Variants in THSD1 observed in about 807,000 individuals in gnomAD.
The protein encoded by THSD1 is thrombospondin type-1 domain-containing protein 1.
THSD1 carries 34 observed loss-of-function variants against 46.3 expected under a neutral mutation model. That is an observed-to-expected ratio of 0.74 (90% CI 0.56 to 0.98). The LOEUF is 0.98. Among genes scored for constraint, THSD1 ranks in the 50% least tolerant of loss-of-function variants. THSD1 has a pLI of 0.00. For synonymous variants in THSD1, 407 were observed against 416.5 expected (o/e 0.98, Z 0.28); for missense variants, 1,023 against 1,058.3 (o/e 0.97, Z 0.46).
chr13:52,396,504 C>T (rs572956363), intron 3 of THSD1, among the ~76,000 whole-genome samples: 3 of 152,070 alleles, frequency 2.0e-5, no homozygotes, highest in Admixed American at 6.6e-5. Context: ...CCAGTCTGGG[C>T]GACAGAGCGA....
chr13:52,404,975 T>G (rs1957895653), intron 1 of THSD1, among the ~76,000 whole-genome samples: 1 of 152,252 alleles, frequency 6.6e-6, no homozygotes, highest in Non-Finnish European at 1.5e-5. Flanking sequence ...ATCATAACAT[T>G]AGTCATAATA....
At chr13:52,399,315 C>G (rs1370532748) in intron 2 of THSD1, among the ~76,000 whole-genome samples, 3 of 152,118 alleles carry the variant, frequency 2.0e-5, no homozygotes, top group African/African-American at 7.2e-5. Context: ...TCAAAGGAGG[C>G]AGAATTTGGC....
In THSD1 at chr13:52,397,585, C is replaced by T. The variant is rs762624548; in HGVS notation, c.668G>A (p.Gly223Glu). The T allele has an allele frequency of 3.7e-6, 6 of 1,614,036 alleles. No individual in the cohort carries two copies. The Admixed American group carries it at 5.0e-5, about 13-fold the overall frequency. Residue 223 changes from glycine to glutamate, a missense_variant, in exon 3 of 5, where the codon GGG becomes GAG. Gly to Glu is a moderately conservative substitution (Grantham distance 98, BLOSUM62 -2). Coordinates refer to ENST00000258613, the MANE Select transcript of THSD1 (RefSeq NM_018676.4). ...AYVTVVLKLL[G>E]RDSVITSTGP... ...TGTGGAGGTAATGACTGAGTCTCGC[C>T]CAAGCAGCTTCAGCACCACGGTGAC...
intron 2 of THSD1, among the ~76,000 whole-genome samples, chr13:52,399,498 G>A (rs1957836793): frequency 6.6e-6 from 1 of 151,884 alleles, no homozygotes; most frequent in South Asian, 2.1e-4. Context: ...TTTTGTTTGG[G>A]GTTGCAGTCT....
chr13:52,378,399 A>G lies in THSD1; in HGVS notation c.1571T>C (p.Ile524Thr), dbSNP rs1257730158. The G allele has an allele frequency of 6.2e-7, 1 of 1,613,922 alleles. No homozygotes were observed. The highest frequency in any genetic ancestry group is 2.2e-5 in the East Asian group (1 of 44,856). The change falls in exon 5 of 5, where the codon ATC becomes ACC. Residue 524 changes from isoleucine (I) to threonine (T), a missense_variant. Transcript: ENST00000258613. The part of the protein sequence containing the change: ...ESFQSNAQKI[I>T]PPLFSYRLAQ... ...AAGGCGGTAGCTGAACAGAGGTGGGATTATCTTCTGGGCGTTGGACTGGAA... is the reference window on the plus strand; with the variant it reads ...AAGGCGGTAGCTGAACAGAGGTGGGGTTATCTTCTGGGCGTTGGACTGGAA...
At chr13:52,393,993 C>G (rs916424796) in intron 3 of THSD1, among the ~76,000 whole-genome samples, 6 of 152,188 alleles carry the variant, frequency 3.9e-5, no homozygotes, top group African/African-American at 1.2e-4. Flanking sequence ...GCCCCCAGCC[C>G]TATTGTTCTA....
At chr13:52,379,606 C>A (rs1957675764) in intron 4 of THSD1, among the ~76,000 whole-genome samples, 2 of 152,256 alleles carry the variant, frequency 1.3e-5, no homozygotes, top group East Asian at 3.9e-4. Context: ...TCCTGAGTAG[C>A]TGGAACTATA....
rs781662564 is a variant in THSD1 at position 52,397,782 on chromosome 13, C to T, written c.471G>A (p.Pro157=). The T allele has an allele frequency of 2.0e-4, 327 of 1,614,098 alleles. No homozygotes were observed. Among genetic ancestry groups the T allele is most frequent in the Middle Eastern group, 1.5e-3 (9 of 6,084 alleles). ...VGLFTSQPLC[P]FPVDKPNIVV... is the part of the protein sequence containing the mutation. Reference sequence around the variant, plus strand: ...CGATGTTGGGCTTGTCCACAGGAAACGGGCACAGTGGTTGACTGGTAAATA... The same window carrying T: ...CGATGTTGGGCTTGTCCACAGGAAATGGGCACAGTGGTTGACTGGTAAATA... The change falls in exon 3 of 5, where the codon CCG becomes CCA. Residue 157 remains proline (P), a synonymous_variant. Coordinates refer to ENST00000258613, the MANE Select transcript of THSD1 (RefSeq NM_018676.4).
intron 3 of THSD1, among the ~76,000 whole-genome samples, chr13:52,396,962 T>C (rs1314334808): frequency 6.6e-6 from 1 of 152,234 alleles, no homozygotes; most frequent in Admixed American, 6.5e-5. Flanking sequence ...CTGAGAGTGT[T>C]ACATGTTGAT....
At chr13:52,392,882 T>A (rs879364025) in intron 3 of THSD1, among the ~76,000 whole-genome samples, 2 of 152,226 alleles carry the variant, frequency 1.3e-5, no homozygotes, top group Non-Finnish European at 2.9e-5. Context: ...GGCTTCCTTA[T>A]ATTGAACAAA....
intron 2 of THSD1, among the ~76,000 whole-genome samples, chr13:52,400,532 A>T (rs1472115834): frequency 6.6e-6 from 1 of 152,146 alleles, no homozygotes; most frequent in Non-Finnish European, 1.5e-5. Context: ...CGGGAAGTGG[A>T]GGGTGCAGTA....
rs1053662992 is a variant in THSD1, at chr13:52,404,963, T to C, written c.-82+1068A>G. Among the ~76,000 whole-genome samples, 9 of 152,244 alleles carry C rather than the reference T, an allele frequency of 5.9e-5. No homozygotes were observed. The East Asian group carries it at 1.7e-3, about 29-fold the overall frequency. The stretch of plus-strand genomic sequence containing the variant: ...TACTTGTCAATCATAATATGGAATA[T>C]GATCATAACATTAGTCATAATATGT... On this transcript the variant is annotated intron_variant, in intron 1 of 4. Transcript: ENST00000258613.
chr13:52,394,443 G>A (rs752245191), intron 3 of THSD1, among the ~76,000 whole-genome samples: 29 of 152,054 alleles, frequency 1.9e-4, no homozygotes, highest in Non-Finnish European at 3.2e-4. Context: ...GCAAAACCCC[G>A]TCTCTACTAA....
At position 52,378,570 on chromosome 13, in the gene THSD1, T is replaced by C. The variant is rs1957661448; in HGVS notation, c.1400A>G (p.Asn467Ser). ...GCGCTGCTCGCTCAGCTCGCAGATA[T>C]TCTCCTCGTCCGAGTTCTTCCGGAA... ...PSFRKNSDEE[N>S]ICELSEQRGS... Residue 467 changes from asparagine (N) to serine (S), a missense_variant, in exon 5 of 5, where the codon AAT (asparagine) becomes AGT (serine). Around this residue, in one of 3 missense-constraint regions of THSD1, gnomAD observed 578 missense variants for 497.4 expected, o/e 1.16. Transcript: ENST00000258613. 1.2e-6 allele frequency: 2 copies of C among 1,614,028 alleles called. No individual in the cohort carries two copies. The highest frequency in any genetic ancestry group is 1.7e-6 in the Non-Finnish European group (2 of 1,180,054).
intron 3 of THSD1, among the ~76,000 whole-genome samples, chr13:52,392,153 C>G (rs562351568): frequency 7.1e-6 from 1 of 139,864 alleles, no homozygotes; most frequent in African/African-American, 2.6e-5. Context: ...GATCGCGCCA[C>G]TGCGCTCCAG....
intron 1 of THSD1, among the ~76,000 whole-genome samples, chr13:52,404,056 T>A (rs745889291): frequency 1.3e-5 from 2 of 149,086 alleles, no homozygotes; most frequent in African/African-American, 5.0e-5. Flanking sequence ...CAAGTGATTG[T>A]CCCACCTCAG....
In THSD1 at chr13:52,402,683, T is replaced by A; in HGVS notation, c.-81-2A>T. ...TGTGATTTTTTTCCCCAAAAACACCTGAAATTAGAACCTCAAAAAATGATG... is the reference window on the plus strand; with the variant it reads ...TGTGATTTTTTTCCCCAAAAACACCAGAAATTAGAACCTCAAAAAATGATG... On this transcript the variant is annotated splice_acceptor_variant, in intron 1 of 4. Coordinates refer to ENST00000258613, the MANE Select transcript of THSD1 (RefSeq NM_018676.4). LOFTEE classifies it low-confidence loss of function (5UTR_SPLICE). 6.3e-7 allele frequency: 1 copy of A among 1,579,380 alleles called. No homozygotes were observed. Among genetic ancestry groups the A allele is most frequent in the Non-Finnish European group, 8.6e-7 (1 of 1,160,908 alleles).
chr13:52,377,938 C>A lies in THSD1; in HGVS notation c.2032G>T (p.Ala678Ser), dbSNP rs562330470. The A allele has an allele frequency of 6.2e-7, 1 of 1,614,070 alleles. No individual in the cohort carries two copies. Among genetic ancestry groups the A allele is most frequent in the African/African-American group, 1.3e-5 (1 of 74,928 alleles). The change falls in exon 5 of 5, where the codon GCC (alanine) becomes TCC (serine). Residue 678 changes from alanine to serine, a missense_variant. Physicochemically the swap from Ala to Ser is moderately conservative, Grantham distance 99 (BLOSUM62 1). Coordinates refer to ENST00000258613, the MANE Select transcript of THSD1 (RefSeq NM_018676.4). ...RSMSTLTPRQ[A>S]PAYSSRTRTC... ...CGCGTCCTAGAGCTGTAGGCAGGGG[C>A]CTGCCGTGGAGTCAGAGTGGACATG...
chr13:52,389,244 T>A (rs1957755963), intron 3 of THSD1, among the ~76,000 whole-genome samples: 2 of 152,188 alleles, frequency 1.3e-5, no homozygotes, highest in South Asian at 4.1e-4. Context: ...ATTACAGGTG[T>A]GAGCCATGGC....
Sources: allele counts gnomAD v4.1 joint callset (sites outside exome capture counted in the v4.1 genomes callset), GRCh38; gene constraint gnomAD v4.1.1; regional missense constraint gnomAD v4.1.1; transcripts MANE v1.5; gene names NCBI Gene and HGNC (gene_info 2026-07-23, HGNC 2026-07-21).